The following SEMA6D variants were observed in gnomAD, a reference collection of about 807,000 sequenced individuals.
The protein encoded by SEMA6D is semaphorin-6D.
In SEMA6D, 35 loss-of-function variants were observed where a neutral mutation model predicts 106.6. That is an observed-to-expected ratio of 0.33 (90% CI 0.25 to 0.44). SEMA6D has a LOEUF of 0.44. Among genes scored for constraint, SEMA6D ranks in the 20% least tolerant of loss-of-function variants. The pLI is 1.00. For synonymous variants in SEMA6D, 499 were observed against 487.7 expected (o/e 1.02, Z -0.31); for missense variants, 1,185 against 1,345.9 (o/e 0.88, Z 1.87).
chr15:47,377,849 C>G (rs577098853), intron 1 of SEMA6D, among the ~76,000 whole-genome samples: 28 of 152,272 alleles, frequency 1.8e-4, no homozygotes. Flanking sequence ...TTCTGCATTT[C>G]CTTTTAGTCA....
chr15:47,584,107 C>T (rs1021021331), intron 3 of SEMA6D, among the ~76,000 whole-genome samples: 2 of 152,240 alleles, frequency 1.3e-5, no homozygotes, highest in South Asian at 4.2e-4. Flanking sequence ...GCATGTTTGC[C>T]CCCCACACTC....
At chr15:47,747,243 T>C (rs2081195297) in intron 1 of SEMA6D, among the ~76,000 whole-genome samples, 1 of 152,212 alleles carries the variant, frequency 6.6e-6, no homozygotes, top group East Asian at 1.9e-4. Flanking sequence ...AGGCAAAAAC[T>C]TGTAGGCAAA....
At chr15:47,610,583 T>C (rs2076877889) in intron 4 of SEMA6D, among the ~76,000 whole-genome samples, 1 of 152,244 alleles carries the variant, frequency 6.6e-6, no homozygotes, top group East Asian at 1.9e-4. Flanking sequence ...TGTACATTTA[T>C]CATTTTTCAC....
chr15:47,402,362 G>T (rs1176291529), intron 1 of SEMA6D, among the ~76,000 whole-genome samples: 1 of 152,172 alleles, frequency 6.6e-6, no homozygotes, highest in Non-Finnish European at 1.5e-5. Context: ...CATTGCATAT[G>T]CTGGAGAGCA....
intron 1 of SEMA6D, among the ~76,000 whole-genome samples, chr15:47,354,335 A>G (rs911162210): frequency 1.4e-5 from 2 of 147,620 alleles, no homozygotes; most frequent in Non-Finnish European, 3.0e-5. Context: ...ATGCATATAT[A>G]TGGAATGAAA....
chr15:47,621,324 G>T (rs1162684195), intron 4 of SEMA6D, among the ~76,000 whole-genome samples: 1 of 152,128 alleles, frequency 6.6e-6, no homozygotes, highest in Admixed American at 6.5e-5. Context: ...GTCACGATCA[G>T]AAATAGAAAC....
intron 3 of SEMA6D, among the ~76,000 whole-genome samples, chr15:47,477,419 G>A (rs1261756806): frequency 6.6e-6 from 1 of 152,096 alleles, no homozygotes; most frequent in Non-Finnish European, 1.5e-5. Flanking sequence ...TGCCACTCAA[G>A]TGTTGCCATT....
At chr15:47,423,152 A>C (rs973323480) in intron 2 of SEMA6D, among the ~76,000 whole-genome samples, 2 of 152,098 alleles carry the variant, frequency 1.3e-5, no homozygotes, top group East Asian at 3.9e-4. Flanking sequence ...GTGATGGGCC[A>C]CACCTCTTAT....
intron 1 of SEMA6D, among the ~76,000 whole-genome samples, chr15:47,360,825 T>C (rs1270991812): frequency 6.6e-6 from 1 of 152,272 alleles, no homozygotes; most frequent in African/African-American, 2.4e-5. Context: ...AATGTAAGGC[T>C]ATTATCAAAC....
chr15:47,736,174 C>G (rs1178123504), intron 1 of SEMA6D, among the ~76,000 whole-genome samples: 1 of 152,112 alleles, frequency 6.6e-6, no homozygotes, highest in African/African-American at 2.4e-5. Flanking sequence ...TAGCAGTAGG[C>G]TGTTTAGCTT....
intron 3 of SEMA6D, among the ~76,000 whole-genome samples, chr15:47,472,172 G>A (rs731761): frequency 6.6e-6 from 1 of 152,250 alleles, no homozygotes; most frequent in East Asian, 1.9e-4. Flanking sequence ...TTGCCATTTC[G>A]ATTCTCAAAG....
chr15:47,768,746 A>T lies in SEMA6D; in HGVS notation c.1931A>T (p.Lys644Met), dbSNP rs1426802470. The T allele has an allele frequency of 1.2e-6, 2 of 1,612,532 alleles. No individual in the cohort carries two copies. The highest frequency in any genetic ancestry group is 1.7e-6 in the Non-Finnish European group (2 of 1,179,084). Residue 644 changes from lysine (K) to methionine (M), a missense_variant and splice_region_variant, in exon 18 of 19, where the codon AAG (lysine) becomes ATG (methionine). This residue lies in a region of SEMA6D where 750 missense variants were observed against 783.5 expected (regional missense o/e 0.96). Coordinates refer to ENST00000536845, the MANE Select transcript of SEMA6D (RefSeq NM_001358351.3). ...DFTDPLSGIPKGVRWEVQSGE... is the reference protein window; with the variant it reads ...DFTDPLSGIPMGVRWEVQSGE... ...ACTGATCCTTTATCGGGTATCCCAA[A>T]GGGTAAGGCCTCAGCAGGGACCTCA...
At chr15:47,564,993 T>C (rs1363347454) in intron 3 of SEMA6D, among the ~76,000 whole-genome samples, 2 of 152,186 alleles carry the variant, frequency 1.3e-5, no homozygotes, top group Non-Finnish European at 2.9e-5. Context: ...TTCAGTTCCC[T>C]TTCCCACTGA....
chr15:47,728,623 T>A (rs2079917473), intron 1 of SEMA6D, among the ~76,000 whole-genome samples: 1 of 152,224 alleles, frequency 6.6e-6, no homozygotes, highest in Non-Finnish European at 1.5e-5. Context: ...CGCATTGGCC[T>A]AAAGCCACAC....
intron 1 of SEMA6D, among the ~76,000 whole-genome samples, chr15:47,737,976 G>T (rs958911817): frequency 6.6e-6 from 1 of 151,406 alleles, no homozygotes; most frequent in South Asian, 2.1e-4. Flanking sequence ...CCAGTGTAAA[G>T]TTGTGTCTCC....
At chr15:47,353,722 G>A (rs2038424020) in intron 1 of SEMA6D, among the ~76,000 whole-genome samples, 1 of 152,028 alleles carries the variant, frequency 6.6e-6, no homozygotes, top group Non-Finnish European at 1.5e-5. Flanking sequence ...CAGCTCCTGG[G>A]GCAATGCCTA....
intron 3 of SEMA6D, among the ~76,000 whole-genome samples, chr15:47,570,061 C>CAA (rs565055320): frequency 7.1e-6 from 1 of 140,864 alleles, no homozygotes; most frequent in African/African-American, 2.6e-5. Context: ...GACTCCATCT[C>CAA]AAAAAAAAAA....
chr15:47,450,451 G>A (rs1035384093), intron 2 of SEMA6D, among the ~76,000 whole-genome samples: 2 of 152,048 alleles, frequency 1.3e-5, no homozygotes, highest in Non-Finnish European at 2.9e-5. Context: ...GGTCACTAAA[G>A]CAGAGTTGTG....
intron 3 of SEMA6D, among the ~76,000 whole-genome samples, chr15:47,552,881 AATATATATAAATATAT>A (rs1330667400): frequency 1.3e-3 from 18 of 14,332 alleles, no homozygotes; most frequent in East Asian, 5.8e-3. Context: ...TATATATATA[AATATATATAAATATAT>A]ATATATATAA....
Sources: gnomAD v4.1 joint callset for allele counts (sites outside exome capture counted in the v4.1 genomes callset) on GRCh38, gnomAD v4.1.1 for gene constraint, gnomAD v4.1.1 regional missense constraint, MANE v1.5 for transcripts, NCBI Gene and HGNC (gene_info 2026-07-23, HGNC 2026-07-21) for gene names.